SASH1: variants seen among roughly 807,000 people sequenced by gnomAD.
SASH1 encodes SAM and SH3 domain containing 1.
In SASH1, 44 loss-of-function variants were observed where a neutral mutation model predicts 125.2. The ratio of observed to expected loss-of-function variants is 0.35; its 90% CI spans 0.28 to 0.45. The LOEUF (loss-of-function observed/expected upper bound fraction) is 0.45, where lower values mean the gene tolerates loss of function less well. SASH1 is among the 20% of genes least tolerant of loss of function. SASH1 has a pLI of 1.00. For synonymous variants in SASH1, 639 were observed against 649.1 expected, an observed-to-expected ratio of 0.98 and a Z score of 0.24; for missense variants, 1,426 against 1,614.5, an observed-to-expected ratio of 0.88 and a Z score of 2.00.
At chr6:148,219,632 C>T in the SASH1 span, among the ~76,000 whole-genome samples, 2 of 152,220 alleles carry the variant, frequency 1.3e-5, no homozygotes, top group Non-Finnish European at 2.9e-5. Flanking sequence ...CTCCTCTGGC[C>T]TTCCTCCTCC....
chr6:148,458,072 T>C lies in SASH1; in HGVS notation c.387-10473T>C, dbSNP rs569549270. Among the ~76,000 whole-genome samples, 40 of 152,274 alleles carry C rather than the reference T, an allele frequency of 2.6e-4. No homozygotes were observed. In the South Asian group the frequency reaches 7.3e-3, roughly 28 times the overall value. On this transcript the variant is annotated intron_variant, in intron 4 of 19. Coordinates refer to ENST00000367467, the MANE Select transcript of SASH1 (RefSeq NM_015278.5). ...ACATGTGACTTCAGTGTTTAGACAA[T>C]GGGGACATCTTCTCATATAGCAGGT...
the SASH1 span, among the ~76,000 whole-genome samples, chr6:148,256,087 G>A: frequency 6.6e-6 from 1 of 152,098 alleles, no homozygotes; most frequent in African/African-American, 2.4e-5. Flanking sequence ...ATATTTACTT[G>A]ACAATTTTGT....
At chr6:148,454,903 C>G (rs939707121) in intron 4 of SASH1, among the ~76,000 whole-genome samples, 1 of 152,210 alleles carries the variant, frequency 6.6e-6, no homozygotes, top group Non-Finnish European at 1.5e-5. Context: ...GTGGTCAAGA[C>G]AACGCAGTCC....
the SASH1 span, among the ~76,000 whole-genome samples, chr6:148,227,309 C>G: frequency 6.6e-6 from 1 of 152,154 alleles, no homozygotes; most frequent in African/African-American, 2.4e-5. Flanking sequence ...TCTCCAACAT[C>G]TAGAACAGTT....
At chr6:148,412,299 C>T (rs1784660218) in intron 2 of SASH1, among the ~76,000 whole-genome samples, 1 of 152,026 alleles carries the variant, frequency 6.6e-6, no homozygotes, top group African/African-American at 2.4e-5. Context: ...CAATTTGTAT[C>T]TCATTCTATT....
chr6:148,298,712 A>AAGGAAG (rs1554231125), intron 1 of SASH1, among the ~76,000 whole-genome samples: 1 of 58,770 alleles, frequency 1.7e-5, no homozygotes, highest in African/African-American at 6.7e-5. Context: ...GAAGGAAGGA[A>AAGGAAG]GAAGGAAGGG....
intron 2 of SASH1, among the ~76,000 whole-genome samples, chr6:148,412,339 G>A (rs913158383): frequency 2.0e-5 from 3 of 152,190 alleles, no homozygotes; most frequent in Non-Finnish European, 2.9e-5. Context: ...ATGTAAATGG[G>A]CAGTGGGGTT....
intron 2 of SASH1, among the ~76,000 whole-genome samples, chr6:148,398,086 T>C (rs1583085096): frequency 6.6e-6 from 1 of 151,960 alleles, no homozygotes; most frequent in East Asian, 1.9e-4. Context: ...CACAGTTTCA[T>C]CCAAGGCCAA....
Position 148,413,672 on chromosome 6 carries a change from G to A in SASH1, c.285+23410G>A, listed in dbSNP as rs139836774. Among the ~76,000 whole-genome samples the A allele has an allele frequency of 3.7e-3, 556 of 152,302 alleles. 4 individuals carry two copies. Among genetic ancestry groups the A allele is most frequent in the Non-Finnish European group, 3.3e-3 (226 of 68,034 alleles). On this transcript the variant is annotated intron_variant, in intron 2 of 19. Transcript: ENST00000367467. ...AATCAATGTCAGGTAAATCGAGGCC[G>A]TTGATGTAGAACATTTAGTCAAGAA...
the SASH1 span, among the ~76,000 whole-genome samples, chr6:148,248,626 ATGT>A: frequency 6.6e-6 from 1 of 152,138 alleles, no homozygotes; most frequent in Non-Finnish European, 1.5e-5. Context: ...GCTTGGTGTA[ATGT>A]TGTTCTTTGG....
chr6:148,244,401 C>T, the SASH1 span, among the ~76,000 whole-genome samples: 10 of 152,192 alleles, frequency 6.6e-5, no homozygotes, highest in Non-Finnish European at 1.5e-4. Flanking sequence ...ATGGCCTCAA[C>T]AAGACAACCA....
At chr6:148,285,741 A>G (rs1779464982) in intron 1 of SASH1, among the ~76,000 whole-genome samples, 1 of 152,180 alleles carries the variant, frequency 6.6e-6, no homozygotes, top group African/African-American at 2.4e-5. Flanking sequence ...GCAACCCTGG[A>G]CTTATTTCAC....
At chr6:148,472,257 CGTCT>C (rs952145324) in intron 6 of SASH1, among the ~76,000 whole-genome samples, 4 of 152,182 alleles carry the variant, frequency 2.6e-5, no homozygotes, top group Middle Eastern at 3.4e-3. Context: ...CTGTGTGGAA[CGTCT>C]GTCTAATTAT....
chr6:148,384,471 A>G (rs1783278412), intron 1 of SASH1, among the ~76,000 whole-genome samples: 1 of 152,188 alleles, frequency 6.6e-6, no homozygotes, highest in Non-Finnish European at 1.5e-5. Context: ...TATAGTTACA[A>G]GTTTATTTTG....
intron 4 of SASH1, among the ~76,000 whole-genome samples, chr6:148,455,619 T>G (rs1777304991): frequency 6.6e-6 from 1 of 152,110 alleles, no homozygotes; most frequent in African/African-American, 2.4e-5. Flanking sequence ...GCTTGGGAAT[T>G]TAAAAATGAG....
At chr6:148,513,077 ACT>A in intron 8 of SASH1, 1 of 984,214 alleles carries the variant, frequency 1.0e-6, no homozygotes, top group Non-Finnish European at 1.2e-6. Context: ...ATGCATAGAA[ACT>A]CTACTTCTTC....
At chr6:148,245,127 A>G in the SASH1 span, among the ~76,000 whole-genome samples, 1 of 152,186 alleles carries the variant, frequency 6.6e-6, no homozygotes, top group African/African-American at 2.4e-5. Flanking sequence ...AAAGCTCTTG[A>G]GATTTAGAAT....
intron 8 of SASH1, among the ~76,000 whole-genome samples, chr6:148,489,850 C>CTG (rs151183028): frequency 0.094 from 12,842 of 136,458 alleles, 624 homozygotes; most frequent in Admixed American, 0.14. Context: ...GCTATATAGG[C>CTG]TGTGTGTGTG....
the SASH1 span, among the ~76,000 whole-genome samples, chr6:148,217,873 G>A: frequency 6.6e-6 from 1 of 151,464 alleles, no homozygotes; most frequent in Admixed American, 6.6e-5. Flanking sequence ...AAATTAGCCG[G>A]GTGTGGTGGT....
Sources: allele counts gnomAD v4.1 joint callset (sites outside exome capture counted in the v4.1 genomes callset), GRCh38; gene constraint gnomAD v4.1.1; transcripts MANE v1.5; gene names NCBI Gene and HGNC (gene_info 2026-07-23, HGNC 2026-07-21).